FCHSD2: variants seen among roughly 807,000 people sequenced by gnomAD.
FCHSD2 encodes the protein F-BAR and double SH3 domains protein 2.
In FCHSD2, 38 loss-of-function variants were observed where a neutral mutation model predicts 108.1. That is an observed-to-expected ratio of 0.35 (90% confidence interval 0.27 to 0.46). The LOEUF (loss-of-function observed/expected upper bound fraction) is 0.46. Ranked by LOEUF, FCHSD2 falls within the 20% of genes least tolerant of loss-of-function variation. The pLI, the probability that FCHSD2 is intolerant of heterozygous loss-of-function variation, is 1.00. For missense variants in FCHSD2, 751 were observed against 897.8 expected (o/e 0.84, Z 2.09); for synonymous variants, 279 against 314.7 (o/e 0.89, Z 1.20).
chr11:73,101,678 C>T (rs1458236891), intron 2 of FCHSD2, among the ~76,000 whole-genome samples: 1 of 152,066 alleles, frequency 6.6e-6, no homozygotes, highest in Non-Finnish European at 1.5e-5. Context: ...TTCAAACGAT[C>T]CTCCCACTTT....
intron 3 of FCHSD2, among the ~76,000 whole-genome samples, chr11:73,049,540 C>A (rs1434135618): frequency 1.5e-5 from 1 of 68,732 alleles, no homozygotes; most frequent in Non-Finnish European, 2.7e-5. Flanking sequence ...GTGGTGGGGT[C>A]GGGGGAGGGG....
chr11:73,080,316 AAAAG>A (rs1281998224), intron 3 of FCHSD2, among the ~76,000 whole-genome samples: 6 of 151,038 alleles, frequency 4.0e-5, no homozygotes, highest in South Asian at 2.1e-4. Flanking sequence ...AAAAAAAAAA[AAAAG>A]AAAGAAAGAA....
intron 13 of FCHSD2, among the ~76,000 whole-genome samples, chr11:72,855,777 T>C (rs1861413409): frequency 6.6e-6 from 1 of 152,154 alleles, no homozygotes; most frequent in African/African-American, 2.4e-5. Flanking sequence ...CGTGATATAG[T>C]GAATATAAAT....
At chr11:72,986,986 A>T (rs1857323983) in intron 6 of FCHSD2, among the ~76,000 whole-genome samples, 1 of 152,176 alleles carries the variant, frequency 6.6e-6, no homozygotes, top group Non-Finnish European at 1.5e-5. Flanking sequence ...TGACCCTCAA[A>T]GCGAGATCTT....
At chr11:72,936,951 T>G (rs1314786472) in intron 8 of FCHSD2, among the ~76,000 whole-genome samples, 3 of 152,202 alleles carry the variant, frequency 2.0e-5, no homozygotes, top group Admixed American at 1.3e-4. Flanking sequence ...TTCTCTTGCC[T>G]CCTTTTATCC....
chr11:73,096,987 A>ATTTTCTTTTTTTTTTTTTTTTT (rs1860096859), intron 2 of FCHSD2, among the ~76,000 whole-genome samples: 1 of 27,020 alleles, frequency 3.7e-5, no homozygotes, highest in African/African-American at 2.0e-4. Flanking sequence ...TCATTGATGG[A>ATTTTCTTTTTTTTTTTTTTTTT]TTTTTTTTTT....
At chr11:73,003,203 C>T (rs1237688947) in intron 4 of FCHSD2, among the ~76,000 whole-genome samples, 1 of 152,166 alleles carries the variant, frequency 6.6e-6, no homozygotes, top group East Asian at 1.9e-4. Context: ...CTAGTTTTAA[C>T]AAAATAATCA....
At chr11:72,864,339 C>G (rs1565294587) in intron 13 of FCHSD2, among the ~76,000 whole-genome samples, 1 of 152,204 alleles carries the variant, frequency 6.6e-6, no homozygotes, top group South Asian at 2.1e-4. Context: ...CGTGGGCGGA[C>G]TGCTTGATCC....
chr11:73,020,293 A>G (rs1490684688), intron 3 of FCHSD2, among the ~76,000 whole-genome samples: 2 of 152,232 alleles, frequency 1.3e-5, no homozygotes, highest in African/African-American at 4.8e-5. Context: ...TATTACAGCA[A>G]GCTGAGTAGA....
intron 3 of FCHSD2, among the ~76,000 whole-genome samples, chr11:73,074,277 C>A (rs560101355): frequency 3.3e-5 from 5 of 152,188 alleles, no homozygotes; most frequent in Non-Finnish European, 7.4e-5. Flanking sequence ...GTTGAGGAAG[C>A]ACAAAATATG....
chr11:72,940,304 C>A (rs1856389215), intron 8 of FCHSD2, among the ~76,000 whole-genome samples: 2 of 152,092 alleles, frequency 1.3e-5, no homozygotes, highest in Admixed American at 6.5e-5. Context: ...GGGCCTTTTA[C>A]AAAGCATGTT....
chr11:73,111,661 T>TCTTC (rs1860488962), intron 2 of FCHSD2, among the ~76,000 whole-genome samples: 1 of 152,148 alleles, frequency 6.6e-6, no homozygotes, highest in South Asian at 2.1e-4. Flanking sequence ...TGTGGTCATC[T>TCTTC]CTTCCTTCTT....
intron 14 of FCHSD2, among the ~76,000 whole-genome samples, chr11:72,849,414 AAT>A (rs1397785344): frequency 6.6e-6 from 1 of 152,234 alleles, no homozygotes; most frequent in African/African-American, 2.4e-5. Context: ...AGTGCTATAT[AAT>A]AAAAGAGGCA....
chr11:72,958,121 A>C lies in FCHSD2; in HGVS notation c.705+25967T>G, dbSNP rs553041254. Among the ~76,000 whole-genome samples, 11 of 152,324 alleles carry C rather than the reference A, an allele frequency of 7.2e-5. No homozygotes were observed. The East Asian group carries it at 1.7e-3, about 24-fold the overall frequency. On this transcript the variant is annotated intron_variant, in intron 8 of 19. Transcript: ENST00000409418. ...ATATTTTGGCTTCATTTCACATGAA[A>C]ACCTCAGCAATAAGTGTTCCCACTA...
intron 3 of FCHSD2, among the ~76,000 whole-genome samples, chr11:73,038,399 G>C (rs2135459915): frequency 6.6e-6 from 1 of 151,844 alleles, no homozygotes. Flanking sequence ...ATTCTTAAAG[G>C]GACCTTATAA....
At chr11:72,912,278 G>T (rs1013034435) in intron 9 of FCHSD2, among the ~76,000 whole-genome samples, 4 of 152,150 alleles carry the variant, frequency 2.6e-5, no homozygotes, top group Admixed American at 1.3e-4. Context: ...CTCATTGTGG[G>T]TCTGTTATAC....
At chr11:72,873,823 A>G (rs1298362523) in intron 12 of FCHSD2, among the ~76,000 whole-genome samples, 2 of 152,228 alleles carry the variant, frequency 1.3e-5, no homozygotes, top group East Asian at 3.8e-4. Flanking sequence ...CCGGGTTCCT[A>G]CGTAAGCAAA....
At chr11:72,944,117 T>C (rs1035502621) in intron 8 of FCHSD2, among the ~76,000 whole-genome samples, 2 of 152,226 alleles carry the variant, frequency 1.3e-5, no homozygotes. Context: ...TTTAAAACAA[T>C]ATCCCTGATG....
intron 8 of FCHSD2, among the ~76,000 whole-genome samples, chr11:72,927,883 T>C (rs1237509066): frequency 6.6e-6 from 1 of 152,222 alleles, no homozygotes; most frequent in African/African-American, 2.4e-5. Context: ...CGCTCTACTT[T>C]AGATGCAAGA....
Sources: allele counts gnomAD v4.1 joint callset (sites outside exome capture counted in the v4.1 genomes callset), GRCh38; gene constraint gnomAD v4.1.1; transcripts MANE v1.5; gene names NCBI Gene and HGNC (gene_info 2026-07-23, HGNC 2026-07-21).